ZZEF1: variants seen among roughly 807,000 people sequenced by gnomAD.
ZZEF1 encodes zinc finger ZZ-type and EF-hand domain-containing protein 1.
In ZZEF1, 157 loss-of-function variants were observed where a neutral mutation model predicts 342.8. That is an observed-to-expected ratio of 0.46 (90% CI 0.40 to 0.52). The LOEUF (loss-of-function observed/expected upper bound fraction) is 0.52. ZZEF1 is among the 20% of genes least tolerant of loss of function. The pLI, the probability that ZZEF1 is intolerant of heterozygous loss-of-function variation, is 0.00. For synonymous variants in ZZEF1, 1,505 were observed against 1,429.1 expected (o/e 1.05, Z -1.20); for missense variants, 3,480 against 3,725.6 (o/e 0.93, Z 1.72).
rs200217144 is a variant in ZZEF1, at chr17:4,049,768, C to T, written c.5955G>A (p.Ala1985=). The T allele has an allele frequency of 4.6e-5, 74 of 1,614,170 alleles. No individual in the cohort carries two copies. Among genetic ancestry groups the T allele is most frequent in the Non-Finnish European group, 5.2e-5 (61 of 1,180,042 alleles). ...CTTTCTTCTCTAGCTGCTCCTCTGA[C>T]GCTCCGGTGGGCACAGTGACTGGTA... ...QALPVTVPTG[A]SEEQLEKKAV... is the part of the protein sequence containing the mutation. Residue 1985 remains alanine, a synonymous_variant, in exon 37 of 55, where the codon GCG becomes GCA. Transcript: ENST00000381638.
intron 37 of ZZEF1, among the ~76,000 whole-genome samples, chr17:4,047,592 A>C (rs368522700): frequency 6.6e-6 from 1 of 151,758 alleles, no homozygotes; most frequent in Non-Finnish European, 1.5e-5. Context: ...GCAGTGAGCC[A>C]AGATCATACC....
intron 52 of ZZEF1, among the ~76,000 whole-genome samples, chr17:4,011,255 T>C (rs2055945950): frequency 6.6e-6 from 1 of 151,844 alleles, no homozygotes; most frequent in Admixed American, 6.6e-5. Context: ...ACAGAAAAAT[T>C]AGCTGGGTGT....
rs2145355267 is a variant in ZZEF1 at position 4,085,823 on chromosome 17, C to T, written c.2513-20G>A. ...CCACCACTGATAAAATGAACAATGG[C>T]ATCAGCTTTCATATATTCCATCTAT... On this transcript the variant is annotated intron_variant, in intron 15 of 54. Coordinates refer to ENST00000381638, the MANE Select transcript of ZZEF1 (RefSeq NM_015113.4). The T allele has an allele frequency of 1.2e-6, 2 of 1,613,120 alleles. No homozygotes were observed. Among genetic ancestry groups the T allele is most frequent in the East Asian group, 4.5e-5 (2 of 44,886 alleles).
chr17:4,032,141 G>A lies in ZZEF1; in HGVS notation c.6877C>T (p.Arg2293Trp), dbSNP rs2056562624. Residue 2293 changes from arginine to tryptophan, a missense_variant, in exon 42 of 55, where the codon CGG (arginine) becomes TGG (tryptophan). Physicochemically the swap from Arg to Trp is moderately radical, Grantham distance 101. Transcript: ENST00000381638. ...CGCATGGTACCTGTTTTCCTCTTCC[G>A]AGTTTTGACATCAACAATCACAGCC... ...NRAVIVDVKT[R>W]KRKTVKDYQL... The A allele has an allele frequency of 1.2e-6, 2 of 1,610,646 alleles. No homozygotes were observed. The highest frequency in any genetic ancestry group is 1.3e-5 in the African/African-American group (1 of 74,640).
chr17:4,036,078 CAA>C (rs34564566), intron 39 of ZZEF1, among the ~76,000 whole-genome samples: 9 of 92,742 alleles, frequency 9.7e-5, no homozygotes, highest in Non-Finnish European at 9.7e-5. Context: ...ACAGCCTGTC[CAA>C]AAAAAAAAAA....
At chr17:4,103,353 G>A (rs1161604994) in intron 8 of ZZEF1, among the ~76,000 whole-genome samples, 2 of 151,618 alleles carry the variant, frequency 1.3e-5, no homozygotes, top group African/African-American at 4.9e-5. Context: ...GACCAGCCTG[G>A]TCAACATGGG....
At chr17:4,080,312 A>T (rs1228923004) in intron 18 of ZZEF1, among the ~76,000 whole-genome samples, 1 of 151,772 alleles carries the variant, frequency 6.6e-6, no homozygotes, top group Non-Finnish European at 1.5e-5. Flanking sequence ...AATTGCTAAG[A>T]AATCTGAATT....
chr17:4,107,527 C>T (rs1450100284), intron 6 of ZZEF1, among the ~76,000 whole-genome samples: 2 of 152,060 alleles, frequency 1.3e-5, no homozygotes, highest in Non-Finnish European at 1.5e-5. Flanking sequence ...GGTGGCCTGG[C>T]ACAGGGTATA....
chr17:4,117,932 A>G (rs944464916), intron 2 of ZZEF1, among the ~76,000 whole-genome samples: 2 of 152,206 alleles, frequency 1.3e-5, no homozygotes, highest in African/African-American at 4.8e-5. Flanking sequence ...TTTTACAACC[A>G]ATAAGGTGCT....
In ZZEF1 at chr17:4,078,005, AC is replaced by A. The variant is rs760921711; in HGVS notation, c.2866del (p.Val956TrpfsTer24). The A allele has an allele frequency of 6.2e-7, 1 of 1,613,902 alleles. No individual in the cohort carries two copies. Among genetic ancestry groups the A allele is most frequent in the Non-Finnish European group, 8.5e-7 (1 of 1,179,960 alleles). The stretch of plus-strand genomic sequence containing the variant: ...GAACAGGGAGAAGAGCACAGAGCCC[AC>A]CTCCCCTGGGGCCCCACTGAGCATT... ...LLMLSGAPGE[V>X]GSVLFSLFWS... On this transcript the variant is annotated frameshift_variant, in exon 19 of 55. Coordinates refer to ENST00000381638, the MANE Select transcript of ZZEF1 (RefSeq NM_015113.4). LOFTEE classifies it high-confidence loss of function.
rs528609855 is a variant in ZZEF1 at position 4,006,913 on chromosome 17, G to A, written c.8863C>T (p.Arg2955Cys). The change falls in exon 55 of 55, where the codon CGC (arginine) becomes TGC (cysteine). Residue 2955 changes from arginine to cysteine, a missense_variant. By Grantham distance (180) the Arg-to-Cys change is radical (BLOSUM62 -3). Coordinates refer to ENST00000381638, the MANE Select transcript of ZZEF1 (RefSeq NM_015113.4). ...LAINYPNKAT[R>C]LWNVEC ...GGCTAACACTCCACATTCCAGAGGC[G>A]GGTGGCCTTGTTTGGGTAGTTGATG... 3.2e-6 allele frequency: 5 copies of A among 1,570,696 alleles called. No individual in the cohort carries two copies. The highest frequency in any genetic ancestry group is 2.3e-5 in the East Asian group (1 of 42,798).
chr17:4,030,174 T>C (rs1343091287), intron 42 of ZZEF1, among the ~76,000 whole-genome samples: 3 of 152,170 alleles, frequency 2.0e-5, no homozygotes, highest in Non-Finnish European at 4.4e-5. Flanking sequence ...ATACCAAAGT[T>C]GGTCCTTTGA....
chr17:4,059,166 A>C lies in ZZEF1; in HGVS notation c.5003+5T>G, dbSNP rs775062131. ...TTCTCTAGAAATGATAAAGTTATCC[A>C]GTACCTGTCATTTAGGCTACTAAAT... On this transcript the variant is annotated splice_donor_5th_base_variant and intron_variant, in intron 31 of 54. Transcript: ENST00000381638. The C allele has an allele frequency of 6.3e-7, 1 of 1,577,268 alleles. No individual in the cohort carries two copies. The highest frequency in any genetic ancestry group is 8.5e-7 in the Non-Finnish European group (1 of 1,171,104).
Position 4,044,099 on chromosome 17 carries a change from A to C in ZZEF1, c.6166+125T>G, listed in dbSNP as rs529596670. The C allele has an allele frequency of 2.0e-5, 20 of 1,001,842 alleles. No individual in the cohort carries two copies. In the Middle Eastern group the frequency reaches 8.8e-4, roughly 44 times the overall value. 62.1% of individuals were successfully genotyped at this position (1,001,842 alleles called of 1,614,324 possible). A position where few individuals can be genotyped will look rare whatever the true frequency, so the allele number is the denominator to read the frequency against. On this transcript the variant is annotated intron_variant, in intron 38 of 54. Transcript: ENST00000381638. The stretch of plus-strand genomic sequence containing the variant: ...GGTGTCATCAGCACCATCTGAACAG[A>C]ACTGAGAAACCACGCACCCCTGGCG...
chr17:4,087,379 A>C, intron 14 of ZZEF1, 55 bp downstream of exon 14: 1 of 1,443,022 alleles, frequency 6.9e-7, no homozygotes, highest in Non-Finnish European at 9.5e-7. Flanking sequence ...TAGAATAGTA[A>C]AACTCATTGT....
intron 6 of ZZEF1, among the ~76,000 whole-genome samples, chr17:4,107,055 C>A (rs1168511211): frequency 6.6e-6 from 1 of 152,212 alleles, no homozygotes; most frequent in Admixed American, 6.5e-5. Context: ...TTAATGCACA[C>A]AAGTAGCATG....
At chr17:4,063,885 G>A (rs1174784417) in intron 29 of ZZEF1, among the ~76,000 whole-genome samples, 1 of 151,756 alleles carries the variant, frequency 6.6e-6, no homozygotes, top group African/African-American at 2.4e-5. Context: ...CCACCACTAC[G>A]CCCAGCTAAT....
intron 9 of ZZEF1, among the ~76,000 whole-genome samples, chr17:4,098,619 C>CT (rs1323683247): frequency 6.6e-6 from 1 of 151,956 alleles, no homozygotes; most frequent in African/African-American, 2.4e-5. Flanking sequence ...AATAAATAAG[C>CT]TTTTTTTTCT....
Position 4,086,641 on chromosome 17 carries a change from C to G in ZZEF1, c.2357G>C (p.Cys786Ser), listed in dbSNP as rs778869730. 1 of 1,613,880 alleles carries G rather than the reference C, an allele frequency of 6.2e-7. No homozygotes were observed. The highest frequency in any genetic ancestry group is 1.1e-5 in the South Asian group (1 of 91,050). ...CAGAAGCAGGGTTTGGGCAGAGACG[C>G]ATTCTTCCCTCGGGCTACAGAAAGA... ...SKLKQNPREE[C>S]VSAQTLLLQL... Residue 786 changes from cysteine to serine, a missense_variant, in exon 15 of 55, where the codon TGC (cysteine) becomes TCC (serine). Cys to Ser is a moderately radical substitution (Grantham distance 112, BLOSUM62 -1). Coordinates refer to ENST00000381638, the MANE Select transcript of ZZEF1 (RefSeq NM_015113.4).
Sources: gnomAD v4.1 joint callset for allele counts (sites outside exome capture counted in the v4.1 genomes callset) on GRCh38, gnomAD v4.1.1 for gene constraint, MANE v1.5 for transcripts, NCBI Gene and HGNC (gene_info 2026-07-23, HGNC 2026-07-21) for gene names.